FRRS1: variants seen among roughly 807,000 people sequenced by gnomAD.
The protein encoded by FRRS1 is ferric reductase 1.
In FRRS1, 51 loss-of-function variants were observed where a neutral mutation model predicts 70.7. The ratio of observed to expected loss-of-function variants is 0.72; its 90% CI spans 0.58 to 0.91. The LOEUF (loss-of-function observed/expected upper bound fraction) is 0.91. Among genes scored for constraint, FRRS1 ranks in the 40% least tolerant of loss-of-function variants. The pLI is 0.00. For missense variants in FRRS1, 672 were observed against 726.0 expected (o/e 0.93, Z 0.86); for synonymous variants, 225 against 238.7 (o/e 0.94, Z 0.53).
In FRRS1 at chr1:99,704,481, T is replaced by C. The variant is rs369730739; in HGVS notation, c.*4547A>G. On this transcript the variant is annotated 3_prime_UTR_variant, in exon 17 of 17. Transcript: ENST00000646001. ...ACAGGAAAGGAGGGAAAGGAAGTGCTGGGTAGAGGAGGGCGTGGTCCCTGG... is the reference window on the plus strand; with the variant it reads ...ACAGGAAAGGAGGGAAAGGAAGTGCCGGGTAGAGGAGGGCGTGGTCCCTGG... Among the ~76,000 whole-genome samples the C allele has an allele frequency of 1.2e-4, 19 of 152,162 alleles. No individual in the cohort carries two copies. Among genetic ancestry groups the C allele is most frequent in the African/African-American group, 4.6e-4 (19 of 41,530 alleles).
chr1:99,709,572 T>C (rs1654177602), intron 15 of FRRS1, among the ~76,000 whole-genome samples: 1 of 152,244 alleles, frequency 6.6e-6, no homozygotes, highest in Non-Finnish European at 1.5e-5. Context: ...ATTCATGGTG[T>C]ATGACATGAT....
At chr1:99,711,677 T>C (rs1424515346) in intron 14 of FRRS1, 4 of 164,158 alleles carry the variant, frequency 2.4e-5, no homozygotes, top group Non-Finnish European at 5.2e-5. Flanking sequence ...ATATGCTGCA[T>C]AAGTATTCCT....
In FRRS1 at chr1:99,706,167, G is replaced by T. The variant is rs919074250; in HGVS notation, c.*2861C>A. ...TTTGGGAGTCTGAGGCAAGGGGATT[G>T]CTTGAGCCCAGGAGTTCGAGATCAG... On this transcript the variant is annotated 3_prime_UTR_variant, in exon 17 of 17. Transcript: ENST00000646001. Among the ~76,000 whole-genome samples, 1 of 151,384 alleles carries T rather than the reference G, an allele frequency of 6.6e-6. No homozygotes were observed. Among genetic ancestry groups the T allele is most frequent in the South Asian group, 2.1e-4 (1 of 4,810 alleles).
intron 4 of FRRS1, among the ~76,000 whole-genome samples, chr1:99,745,234 C>T (rs1457166311): frequency 6.6e-6 from 1 of 152,064 alleles, no homozygotes; most frequent in Admixed American, 6.6e-5. Context: ...GCTGCTAATC[C>T]CCGAGCCTTG....
At chr1:99,759,604 T>C (rs571314004) in intron 1 of FRRS1, among the ~76,000 whole-genome samples, 1 of 152,262 alleles carries the variant, frequency 6.6e-6, no homozygotes, top group East Asian at 1.9e-4. Flanking sequence ...ATAAGGAGAT[T>C]GACAGAGTCA....
intron 1 of FRRS1, among the ~76,000 whole-genome samples, chr1:99,753,959 A>C (rs1656703286): frequency 6.6e-6 from 1 of 152,246 alleles, no homozygotes; most frequent in African/African-American, 2.4e-5. Flanking sequence ...GATATACTAC[A>C]TTAACACTAA....
rs1654165365 is a variant in FRRS1, at chr1:99,709,277, A to G, written c.1625-18T>C. 4.4e-6 allele frequency: 7 copies of G among 1,578,356 alleles called. No homozygotes were observed. The highest frequency in any genetic ancestry group is 1.1e-5 in the South Asian group (1 of 90,148). Reference sequence around the variant, plus strand: ...TATTTCAACTGTCAAGAATAATAACATAAGTTTTTAAGGGCAGCGTTATGC... The same window carrying G: ...TATTTCAACTGTCAAGAATAATAACGTAAGTTTTTAAGGGCAGCGTTATGC... On this transcript the variant is annotated intron_variant, in intron 15 of 16. Transcript: ENST00000646001.
intron 3 of FRRS1, 92 bp downstream of exon 3, chr1:99,748,481 A>G: frequency 2.8e-6 from 3 of 1,054,476 alleles, no homozygotes; most frequent in Non-Finnish European, 4.3e-6. Flanking sequence ...AACAGATTTA[A>G]GTGAAATCTT....
intron 1 of FRRS1, among the ~76,000 whole-genome samples, 197 bp downstream of exon 1, chr1:99,766,410 T>C (rs1657354443): frequency 6.6e-6 from 1 of 152,214 alleles, no homozygotes; most frequent in Admixed American, 6.5e-5. Flanking sequence ...ACAGGACATA[T>C]TAACCTAACT....
At chr1:99,749,717 A>C (rs972404689) in intron 1 of FRRS1, among the ~76,000 whole-genome samples, 8 of 152,204 alleles carry the variant, frequency 5.3e-5, no homozygotes, top group African/African-American at 1.9e-4. Context: ...TCCCTCCCAC[A>C]GCTCCAATCT....
rs529038265 is a variant in FRRS1 at position 99,752,535 on chromosome 1, T to G, written c.-105-3534A>C. On this transcript the variant is annotated intron_variant, in intron 1 of 16. Coordinates refer to ENST00000646001, the MANE Select transcript of FRRS1 (RefSeq NM_001361041.2). ...TTTGCCATCTTATACGGGTGCAGTT[T>G]GTGTCTCTCCAAAACAATAGAAACA... Among the ~76,000 whole-genome samples, 10 of 152,284 alleles carry G rather than the reference T, an allele frequency of 6.6e-5. 1 individual carries two copies. The South Asian group carries it at 2.1e-3, about 32-fold the overall frequency.
rs761460660 is a variant in FRRS1 at position 99,728,540 on chromosome 1, A to T, written c.959T>A (p.Leu320Gln). The T allele has an allele frequency of 1.2e-6, 2 of 1,612,846 alleles. No individual in the cohort carries two copies. Among genetic ancestry groups the T allele is most frequent in the Admixed American group, 1.7e-5 (1 of 60,008 alleles). Residue 320 changes from leucine to glutamine, a missense_variant, in exon 9 of 17, where the codon CTA (leucine) becomes CAA (glutamine). Physicochemically the swap from Leu to Gln is moderately radical, Grantham distance 113. Transcript: ENST00000646001. ...TLPGVKNRFDLNTSYYIFLAD... is the reference protein window; with the variant it reads ...TLPGVKNRFDQNTSYYIFLAD... The stretch of plus-strand genomic sequence containing the variant: ...TAGAAATATGTAATAGCTTGTGTTT[A>T]GATCAAATCTATTCTTAACTCCAGG...
rs1183447713 is a variant in FRRS1 at position 99,728,698 on chromosome 1, A to G, written c.859-58T>C. On this transcript the variant is annotated intron_variant, in intron 8 of 16. Coordinates refer to ENST00000646001, the MANE Select transcript of FRRS1 (RefSeq NM_001361041.2). ...TTTCCAAAGATTTGCTAAAAATAAGATATGATCAAAATCCTGCCCTGTTCA... is the reference window on the plus strand; with the variant it reads ...TTTCCAAAGATTTGCTAAAAATAAGGTATGATCAAAATCCTGCCCTGTTCA... 7.3e-5 allele frequency: 109 copies of G among 1,500,810 alleles called. No homozygotes were observed. The East Asian group carries it at 2.4e-3, about 33-fold the overall frequency. The allele number at this position is 1,500,810 out of a possible 1,614,324, so 93.0% of individuals were successfully genotyped here.
At chr1:99,730,711 C>CA (rs1260752067) in intron 7 of FRRS1, among the ~76,000 whole-genome samples, 3 of 151,944 alleles carry the variant, frequency 2.0e-5, no homozygotes, top group East Asian at 3.9e-4. Flanking sequence ...ACTAAAAATA[C>CA]AAAAAATTAG....
At chr1:99,737,843 AG>A (rs1373376992) in intron 7 of FRRS1, among the ~76,000 whole-genome samples, 1 of 152,088 alleles carries the variant, frequency 6.6e-6, no homozygotes, top group Non-Finnish European at 1.5e-5. Flanking sequence ...CCCAGGTTCA[AG>A]TGATTCTCCT....
intron 9 of FRRS1, among the ~76,000 whole-genome samples, chr1:99,725,564 C>A (rs1655046041): frequency 6.6e-6 from 1 of 152,114 alleles, no homozygotes; most frequent in Non-Finnish European, 1.5e-5. Flanking sequence ...AGCAGTCACT[C>A]CAGGTGGTTC....
chr1:99,712,491 C>T lies in FRRS1; in HGVS notation c.1348G>A (p.Gly450Ser), dbSNP rs758508694. The change falls in exon 13 of 17, where the codon GGC (glycine) becomes AGC (serine). Residue 450 changes from glycine to serine, a missense_variant. Transcript: ENST00000646001. ...ACTGCCAAAGTCATCACTATACAGC[C>T]GAGGTATGGGTGGTAACCTGCATGC... is the stretch of plus-strand genomic sequence containing the variant. The part of the protein sequence containing the change: ...SRHAGYHPYL[G>S]CIVMTLAVLQ... 3.1e-6 allele frequency: 5 copies of T among 1,611,352 alleles called. No homozygotes were observed. The highest frequency in any genetic ancestry group is 2.2e-5 in the East Asian group (1 of 44,796).
intron 9 of FRRS1, among the ~76,000 whole-genome samples, chr1:99,723,080 T>C (rs1157235960): frequency 6.6e-6 from 1 of 152,176 alleles, no homozygotes; most frequent in Non-Finnish European, 1.5e-5. Context: ...AGGAACAAAG[T>C]AACCAAATAT....
rs1654242442 is a variant in FRRS1 at position 99,710,913 on chromosome 1, A to G, written c.1517T>C (p.Leu506Pro). The change falls in exon 15 of 17, where the codon CTG (leucine) becomes CCG (proline). Residue 506 changes from leucine to proline, a missense_variant. By Grantham distance (98) the Leu-to-Pro change is moderately conservative. Coordinates refer to ENST00000646001, the MANE Select transcript of FRRS1 (RefSeq NM_001361041.2). The part of the protein sequence containing the change: ...AMFLGMDLPG[L>P]NLPDSWKTYA... ...GGTTTTCCATGAATCAGGAAGATTC[A>G]GTCCTGGTAAATCCATTCCCAGGAA... 6.2e-7 allele frequency: 1 copy of G among 1,613,864 alleles called. No homozygotes were observed. The highest frequency in any genetic ancestry group is 8.5e-7 in the Non-Finnish European group (1 of 1,179,874).
Sources: allele counts gnomAD v4.1 joint callset (sites outside exome capture counted in the v4.1 genomes callset), GRCh38; gene constraint gnomAD v4.1.1; transcripts MANE v1.5; gene names NCBI Gene and HGNC (gene_info 2026-07-23, HGNC 2026-07-21).